ZFR: variants seen among roughly 807,000 people sequenced by gnomAD.
ZFR encodes zinc finger RNA binding protein.
In ZFR, 19 loss-of-function variants were observed where a neutral mutation model predicts 130.7. The observed-to-expected ratio is 0.15, with a 90% confidence interval of 0.10 to 0.21. The LOEUF (loss-of-function observed/expected upper bound fraction) is 0.21, where lower values mean the gene tolerates loss of function less well. ZFR is among the 10% of genes least tolerant of loss of function. ZFR has a pLI of 1.00. For synonymous variants in ZFR, 466 were observed against 456.9 expected (o/e 1.02, Z -0.25); for missense variants, 872 against 1,321.5 (o/e 0.66, Z 5.27).
At chr5:32,356,433 GAC>G (rs1752309107) in intron 19 of ZFR, among the ~76,000 whole-genome samples, 1 of 152,156 alleles carries the variant, frequency 6.6e-6, no homozygotes, top group South Asian at 2.1e-4. Flanking sequence ...TGTTTTTTGA[GAC>G]AGAGTCTCGC....
chr5:32,440,373 C>T (rs1301754755), intron 2 of ZFR, among the ~76,000 whole-genome samples: 2 of 152,124 alleles, frequency 1.3e-5, no homozygotes, highest in Admixed American at 6.5e-5. Context: ...CAAGGTTGGG[C>T]GCGGTGGCTC....
At chr5:32,401,628 C>T (rs1417848946) in intron 8 of ZFR, among the ~76,000 whole-genome samples, 3 of 152,078 alleles carry the variant, frequency 2.0e-5, no homozygotes, top group South Asian at 2.1e-4. Context: ...GAAAGGTAGG[C>T]ATGGGTCAGG....
chr5:32,436,311 G>A (rs1047709901), intron 2 of ZFR, among the ~76,000 whole-genome samples: 3 of 151,528 alleles, frequency 2.0e-5, no homozygotes, highest in African/African-American at 2.4e-5. Context: ...ACCACGCCCG[G>A]CTGATTTTTT....
chr5:32,433,950 G>A (rs1006574376), intron 2 of ZFR, among the ~76,000 whole-genome samples: 3 of 152,186 alleles, frequency 2.0e-5, no homozygotes, highest in African/African-American at 7.2e-5. Flanking sequence ...GCACATGCCT[G>A]TAGTCCCACT....
intron 19 of ZFR, among the ~76,000 whole-genome samples, chr5:32,358,151 G>A (rs1752350877): frequency 6.6e-6 from 1 of 152,224 alleles, no homozygotes; most frequent in Non-Finnish European, 1.5e-5. Flanking sequence ...TAAGTCAGGA[G>A]TTTGAGACCA....
In ZFR at chr5:32,400,282, A is replaced by G; in HGVS notation, c.1517-79T>C. Reference sequence around the variant, plus strand: ...ACCTGATAAGACGAAAACTTCAGATAAAGTTCTTTTCTGCTAATAGTCAAA... The same window carrying G: ...ACCTGATAAGACGAAAACTTCAGATGAAGTTCTTTTCTGCTAATAGTCAAA... On this transcript the variant is annotated intron_variant, in intron 8 of 19. Transcript: ENST00000265069. 4.5e-6 allele frequency: 5 copies of G among 1,114,546 alleles called. No homozygotes were observed. The South Asian group carries it at 9.4e-5, about 21-fold the overall frequency. The allele number at this position is 1,114,546 out of a possible 1,614,324, so 69.0% of individuals were successfully genotyped here.
At chr5:32,414,884 G>A (rs1259850101) in intron 5 of ZFR, 85 bp downstream of exon 5, 1 of 1,187,854 alleles carries the variant, frequency 8.4e-7, no homozygotes, top group Admixed American at 2.2e-5. Flanking sequence ...TTGGGAGTAA[G>A]GTAATTTCAA....
At chr5:32,441,540 G>A (rs1444042351) in intron 2 of ZFR, among the ~76,000 whole-genome samples, 1 of 150,734 alleles carries the variant, frequency 6.6e-6, no homozygotes, top group African/African-American at 2.4e-5. Flanking sequence ...AACTGCATAT[G>A]TTTTCAGGCG....
intron 5 of ZFR, among the ~76,000 whole-genome samples, chr5:32,409,757 G>C (rs1010456547): frequency 6.6e-6 from 1 of 152,144 alleles, no homozygotes; most frequent in African/African-American, 2.4e-5. Context: ...TGAACCGATG[G>C]ATACAGAGAG....
chr5:32,377,942 C>T lies in ZFR; in HGVS notation c.2835+1173G>A, dbSNP rs1485523325. On this transcript the variant is annotated intron_variant, in intron 17 of 19. Transcript: ENST00000265069. ...CCTGACCTCAGTGATCCGCCCGCCT[C>T]GGCCTCCCAAAGTGTTGGGATTACA... Among the ~76,000 whole-genome samples, 6 of 152,170 alleles carry T rather than the reference C, an allele frequency of 3.9e-5. No homozygotes were observed. In the East Asian group the frequency reaches 9.6e-4, roughly 24 times the overall value.
intron 2 of ZFR, among the ~76,000 whole-genome samples, chr5:32,425,174 T>G (rs542378613): frequency 2.1e-3 from 314 of 152,298 alleles, no homozygotes; most frequent in African/African-American, 5.7e-3. Flanking sequence ...ATGTGGAGCT[T>G]AGCACCAAAA....
chr5:32,424,135 A>C (rs1754015636), intron 2 of ZFR, among the ~76,000 whole-genome samples: 1 of 152,242 alleles, frequency 6.6e-6, no homozygotes, highest in Admixed American at 6.5e-5. Context: ...ATAGATTGGA[A>C]TTAGGGGAAG....
intron 15 of ZFR, among the ~76,000 whole-genome samples, chr5:32,381,418 A>C (rs993458299): frequency 3.3e-5 from 5 of 152,174 alleles, no homozygotes; most frequent in Non-Finnish European, 7.4e-5. Flanking sequence ...AATAGTATGA[A>C]TATTTTCTCA....
At chr5:32,407,307 G>A (rs1184410749) in intron 5 of ZFR, among the ~76,000 whole-genome samples, 1 of 151,502 alleles carries the variant, frequency 6.6e-6, no homozygotes, top group Non-Finnish European at 1.5e-5. Context: ...ATGTGATAGT[G>A]TGTTTGACAA....
rs759310458 is a variant in ZFR, at chr5:32,397,249, T to C, written c.1803A>G (p.Leu601=). The change falls in exon 10 of 20, where the codon TTA becomes TTG. Residue 601 remains leucine, a synonymous_variant. Coordinates refer to ENST00000265069, the MANE Select transcript of ZFR (RefSeq NM_016107.5). ...FNDPNAKEMH[L]KGRRHRLQYK... Reference sequence around the variant, plus strand: ...ATTGAAGTCTGTGTCTTCGCCCTTTTAAGTGCATCTCCTTAGCATTGGGAT... The same window carrying C: ...ATTGAAGTCTGTGTCTTCGCCCTTTCAAGTGCATCTCCTTAGCATTGGGAT... 2 of 1,612,206 alleles carry C rather than the reference T, an allele frequency of 1.2e-6. No homozygotes were observed. Among genetic ancestry groups the C allele is most frequent in the South Asian group, 2.2e-5 (2 of 90,382 alleles).
intron 17 of ZFR, among the ~76,000 whole-genome samples, chr5:32,366,392 T>C (rs1752546045): frequency 6.6e-6 from 1 of 152,234 alleles, no homozygotes; most frequent in African/African-American, 2.4e-5. Context: ...AACTCAAAGC[T>C]TTTTCAAAAT....
Position 32,354,841 on chromosome 5 carries a change from T to C in ZFR, c.*919A>G, listed in dbSNP as rs980086384. On this transcript the variant is annotated 3_prime_UTR_variant, in exon 20 of 20. Transcript: ENST00000265069. ...CAATGATGAAGTTCTTTTGAAAATA[T>C]TGGTTAGCCCACTTATATGTGAAAA... 2.0e-5 allele frequency: 3 copies of C among 152,380 alleles called. No individual in the cohort carries two copies. Among genetic ancestry groups the C allele is most frequent in the Non-Finnish European group, 1.5e-5 (1 of 68,034 alleles). The allele number at this position is 152,380 out of a possible 1,614,324, so 9.4% of individuals were successfully genotyped here.
At chr5:32,401,363 C>A (rs758551611) in intron 8 of ZFR, among the ~76,000 whole-genome samples, 5 of 152,018 alleles carry the variant, frequency 3.3e-5, no homozygotes, top group Non-Finnish European at 5.9e-5. Flanking sequence ...CTGAATATTG[C>A]GGAAATTTAG....
intron 2 of ZFR, among the ~76,000 whole-genome samples, chr5:32,436,884 G>A (rs937321356): frequency 6.6e-6 from 1 of 152,152 alleles, no homozygotes; most frequent in Non-Finnish European, 1.5e-5. Flanking sequence ...AGTTACACAG[G>A]TACACTCGGT....
Sources: allele counts gnomAD v4.1 joint callset (sites outside exome capture counted in the v4.1 genomes callset), GRCh38; gene constraint gnomAD v4.1.1; transcripts MANE v1.5; gene names NCBI Gene and HGNC (gene_info 2026-07-23, HGNC 2026-07-21).